The following NDST4 variants were observed in gnomAD, a reference collection of about 807,000 sequenced individuals.
The protein encoded by NDST4 is N-deacetylase and N-sulfotransferase 4.
Under a neutral mutation model 100.8 loss-of-function variants are expected in NDST4, and 63 were observed. The ratio of observed to expected loss-of-function variants is 0.62; its 90% confidence interval spans 0.51 to 0.77. The LOEUF (loss-of-function observed/expected upper bound fraction) is 0.77, where lower values mean the gene tolerates loss of function less well. Among genes scored for constraint, NDST4 ranks in the 30% least tolerant of loss-of-function variants. NDST4 has a pLI of 0.00. For synonymous variants in NDST4, 377 were observed against 361.8 expected (o/e 1.04, Z -0.48); for missense variants, 943 against 1,018.4 (o/e 0.93, Z 1.01).
chr4:115,070,120 G>A (rs1729043507), intron 2 of NDST4, among the ~76,000 whole-genome samples: 2 of 152,038 alleles, frequency 1.3e-5, no homozygotes, highest in South Asian at 2.1e-4. Flanking sequence ...ACACATACAT[G>A]CATACAATCA....
chr4:114,986,793 C>CATGTATATATATAT (rs1560845235), intron 2 of NDST4, among the ~76,000 whole-genome samples: 8 of 91,136 alleles, frequency 8.8e-5, no homozygotes, highest in Non-Finnish European at 1.4e-4. Flanking sequence ...TCCAATTATA[C>CATGTATATATATAT]ATATATATAT....
intron 7 of NDST4, among the ~76,000 whole-genome samples, chr4:114,854,759 C>G (rs1723756874): frequency 6.6e-6 from 1 of 152,122 alleles, no homozygotes; most frequent in African/African-American, 2.4e-5. Context: ...TGAGCCCGAC[C>G]AATTTCCTTT....
At chr4:115,052,295 A>G (rs754141529) in intron 2 of NDST4, among the ~76,000 whole-genome samples, 3 of 152,208 alleles carry the variant, frequency 2.0e-5, no homozygotes, top group Non-Finnish European at 4.4e-5. Flanking sequence ...AGATTTAAAC[A>G]CCATTTTAAC....
intron 4 of NDST4, among the ~76,000 whole-genome samples, chr4:114,948,219 A>G (rs1313786136): frequency 1.3e-5 from 2 of 152,076 alleles, no homozygotes; most frequent in African/African-American, 4.8e-5. Context: ...ATTTATGGAA[A>G]AATGTTTTAA....
intron 1 of NDST4, among the ~76,000 whole-genome samples, chr4:115,080,017 AC>A (rs1729269019): frequency 6.6e-6 from 1 of 152,204 alleles, no homozygotes; most frequent in Non-Finnish European, 1.5e-5. Flanking sequence ...TTAGCTTTTC[AC>A]TGTGAAACAT....
chr4:115,066,289 A>AT (rs1728946416), intron 2 of NDST4, among the ~76,000 whole-genome samples: 1 of 152,112 alleles, frequency 6.6e-6, no homozygotes, highest in Non-Finnish European at 1.5e-5. Context: ...AATTTTGGCA[A>AT]TTTTTTAAGT....
At chr4:114,891,248 A>AT (rs1011655720) in intron 6 of NDST4, among the ~76,000 whole-genome samples, 3 of 151,942 alleles carry the variant, frequency 2.0e-5, no homozygotes, top group South Asian at 2.1e-4. Flanking sequence ...TTTTCCTTTT[A>AT]TTTTTTTATA....
intron 2 of NDST4, among the ~76,000 whole-genome samples, chr4:115,006,998 T>A (rs1411296499): frequency 6.6e-6 from 1 of 152,192 alleles, no homozygotes; most frequent in Non-Finnish European, 1.5e-5. Context: ...GGCTAGGTTT[T>A]ATTGCATATT....
At chr4:115,090,816 G>C (rs1316323846) in intron 1 of NDST4, among the ~76,000 whole-genome samples, 3 of 152,030 alleles carry the variant, frequency 2.0e-5, no homozygotes, top group Non-Finnish European at 4.4e-5. Context: ...CTCAGGATGA[G>C]CATCGTGCTG....
chr4:115,058,679 T>C (rs1402583647), intron 2 of NDST4, among the ~76,000 whole-genome samples: 1 of 152,106 alleles, frequency 6.6e-6, no homozygotes, highest in Non-Finnish European at 1.5e-5. Flanking sequence ...TGATTTCTCC[T>C]ACTTTGAGGT....
chr4:114,980,613 G>A (rs1050921061), intron 2 of NDST4, among the ~76,000 whole-genome samples: 19 of 152,128 alleles, frequency 1.2e-4, no homozygotes, highest in Non-Finnish European at 2.5e-4. Context: ...TGGCACTCCA[G>A]CCTGGGCGAC....
intron 2 of NDST4, among the ~76,000 whole-genome samples, chr4:115,052,002 T>C (rs574341663): frequency 2.6e-5 from 4 of 152,154 alleles, no homozygotes; most frequent in Non-Finnish European, 5.9e-5. Flanking sequence ...TATATCATTG[T>C]AATTTTGATT....
chr4:114,980,785 A>G, intron 2 of NDST4, among the ~76,000 whole-genome samples: 1 of 152,168 alleles, frequency 6.6e-6, no homozygotes, highest in East Asian at 1.9e-4. Flanking sequence ...CTGCTTATGA[A>G]GAACTCACTA....
chr4:114,998,000 T>G (rs1452437055), intron 2 of NDST4, among the ~76,000 whole-genome samples: 1 of 152,108 alleles, frequency 6.6e-6, no homozygotes, highest in Admixed American at 6.6e-5. Context: ...TAATATGTTG[T>G]GGTAGTCATC....
At chr4:114,986,828 A>AT (rs1192536720) in intron 2 of NDST4, among the ~76,000 whole-genome samples, 4 of 112,866 alleles carry the variant, frequency 3.5e-5, no homozygotes, top group African/African-American at 1.1e-4. Flanking sequence ...ATATATATAT[A>AT]TATATTTTAA....
chr4:114,958,391 T>C (rs1323739599), intron 4 of NDST4, among the ~76,000 whole-genome samples: 1 of 147,742 alleles, frequency 6.8e-6, no homozygotes, highest in Non-Finnish European at 1.5e-5. Flanking sequence ...CTCATCTCCA[T>C]CTGAGACCCC....
At chr4:114,924,797 T>G (rs1031773437) in intron 6 of NDST4, among the ~76,000 whole-genome samples, 10 of 151,390 alleles carry the variant, frequency 6.6e-5, no homozygotes, top group African/African-American at 2.0e-4. Context: ...GGCTACAGTT[T>G]ACATAATCTG....
At chr4:115,100,169 A>C (rs1729701077) in intron 1 of NDST4, among the ~76,000 whole-genome samples, 1 of 152,098 alleles carries the variant, frequency 6.6e-6, no homozygotes, top group Non-Finnish European at 1.5e-5. Context: ...GCAGGGAGAG[A>C]GGGATGAATA....
At chr4:115,007,670 C>A (rs147126023) in intron 2 of NDST4, among the ~76,000 whole-genome samples, 2 of 83,028 alleles carry the variant, frequency 2.4e-5, no homozygotes, top group East Asian at 8.4e-4. Flanking sequence ...GGATATGAAA[C>A]GCAGGGAATC....
Sources: gnomAD v4.1 joint callset for allele counts (sites outside exome capture counted in the v4.1 genomes callset) on GRCh38, gnomAD v4.1.1 for gene constraint, MANE v1.5 for transcripts, NCBI Gene and HGNC (gene_info 2026-07-23, HGNC 2026-07-21) for gene names.